MINDY2: variants seen among roughly 807,000 people sequenced by gnomAD.
MINDY2 encodes the protein MINDY lysine 48 deubiquitinase 2.
In MINDY2, 52 loss-of-function variants were observed where a neutral mutation model predicts 68.2. The observed-to-expected ratio is 0.76, with a 90% CI of 0.61 to 0.96. MINDY2 has a LOEUF of 0.96. Ranked by LOEUF, MINDY2 falls within the 40% of genes least tolerant of loss-of-function variation. MINDY2 has a pLI of 0.00. For synonymous variants in MINDY2, 372 were observed against 303.0 expected, an observed-to-expected ratio of 1.23 and a Z score of -2.36; for missense variants, 881 against 773.4, an observed-to-expected ratio of 1.14 and a Z score of -1.65.
chr15:58,851,887 G>A lies in MINDY2; in HGVS notation c.1659G>A (p.Glu553=). Residue 553 remains glutamate (E), a synonymous_variant, in exon 8 of 9, where the codon GAG becomes GAA. Coordinates refer to ENST00000559228, the MANE Select transcript of MINDY2 (RefSeq NM_001040450.3). ...TAGCAAAGAAACTCCAAGAGGAAGA[G>A]GACAGACGGGCTTCTCAATACTATC... ...LELAKKLQEE[E]DRRASQYYQE... The A allele has an allele frequency of 6.2e-7, 1 of 1,613,320 alleles. No homozygotes were observed. The highest frequency in any genetic ancestry group is 1.1e-5 in the South Asian group (1 of 91,006).
chr15:58,860,595 AAGTC>A lies in MINDY2; in HGVS notation c.*5987_*5990del, dbSNP rs1428295026. 4.6e-5 allele frequency: 7 copies of A among 151,816 alleles called. No homozygotes were observed. The highest frequency in any genetic ancestry group is 1.7e-4 in the African/African-American group (7 of 41,490). 9.4% of individuals were successfully genotyped at this position (151,816 alleles called of 1,614,324 possible). On this transcript the variant is annotated 3_prime_UTR_variant, in exon 9 of 9. Transcript: ENST00000559228. ...ATATCTCAAAAAAAAAAAAAAAAAA[AAGTC>A]AAGAAACTGAAATTCCCATTTAAGT... is the stretch of plus-strand genomic sequence containing the variant.
chr15:58,776,167 A>G (rs1454299548), intron 1 of MINDY2, among the ~76,000 whole-genome samples: 4 of 152,212 alleles, frequency 2.6e-5, no homozygotes, highest in Non-Finnish European at 5.9e-5. Flanking sequence ...TAGAGTAAAT[A>G]TGGTAGTACT....
At chr15:58,798,963 GAC>G (rs1429600436) in intron 2 of MINDY2, among the ~76,000 whole-genome samples, 1 of 152,162 alleles carries the variant, frequency 6.6e-6, no homozygotes, top group Non-Finnish European at 1.5e-5. Flanking sequence ...CAGAACATAG[GAC>G]AGATAATTTT....
At chr15:58,796,252 A>G (rs1288115482) in intron 2 of MINDY2, 4 of 400,150 alleles carry the variant, frequency 1.0e-5, no homozygotes, top group African/African-American at 4.1e-5. Flanking sequence ...GTTGTAAAGA[A>G]TAGGAAAGGT....
At chr15:58,851,631 G>T in intron 7 of MINDY2, 140 bp from the exon 8 acceptor site, 1 of 623,964 alleles carries the variant, frequency 1.6e-6, no homozygotes. Flanking sequence ...TGTAGAGACA[G>T]GGTCTTGCTA....
intron 7 of MINDY2, 87 bp downstream of exon 7, chr15:58,847,557 G>T (rs776484790): frequency 3.6e-5 from 41 of 1,133,278 alleles, no homozygotes; most frequent in Non-Finnish European, 4.4e-5. Flanking sequence ...TTCAACTAAA[G>T]ATTAATTCAT....
intron 5 of MINDY2, among the ~76,000 whole-genome samples, chr15:58,828,948 A>G (rs1309646580): frequency 3.9e-5 from 6 of 152,166 alleles, no homozygotes; most frequent in Admixed American, 1.3e-4. Context: ...ATAATACTCT[A>G]TTATCATTAA....
At position 58,821,709 on chromosome 15, in the gene MINDY2, T is replaced by C. The variant is rs1157317143; in HGVS notation, c.1123-8T>C. 6.5e-6 allele frequency: 10 copies of C among 1,535,262 alleles called. No homozygotes were observed. In the African/African-American group the frequency reaches 1.1e-4, roughly 17 times the overall value. ...CCATGATTAGTGAGACAGTCATTTG[T>C]TTTCTAGATTGATGACATTGTAAAA... On this transcript the variant is annotated splice_region_variant and splice_polypyrimidine_tract_variant and intron_variant, in intron 4 of 8. Coordinates refer to ENST00000559228, the MANE Select transcript of MINDY2 (RefSeq NM_001040450.3).
chr15:58,857,499 A>T lies in MINDY2; in HGVS notation c.*2889A>T, dbSNP rs539624595. On this transcript the variant is annotated 3_prime_UTR_variant, in exon 9 of 9. Transcript: ENST00000559228. ...CAGTGAGCTGAGATAGCACCACTGC[A>T]TGCAAGCCTGGGCAATAGAGCGAGA... The T allele has an allele frequency of 6.9e-6, 1 of 144,258 alleles. No individual in the cohort carries two copies. Among genetic ancestry groups the T allele is most frequent in the Admixed American group, 7.4e-5 (1 of 13,600 alleles). The allele number at this position is 144,258 out of a possible 1,614,324, so 8.9% of individuals were successfully genotyped here.
At position 58,843,055 on chromosome 15, in the gene MINDY2, T is replaced by C. The variant is rs114411510; in HGVS notation, c.1369-4242T>C. Among the ~76,000 whole-genome samples, 529 of 152,356 alleles carry C rather than the reference T, an allele frequency of 3.5e-3. 3 individuals are homozygous for C. Among genetic ancestry groups the C allele is most frequent in the African/African-American group, 0.011 (456 of 41,578 alleles). ...TACTTTAGAAACTCTCTTAGAAATG[T>C]ATAAATTTTCAAATTATAAAGTACC... On this transcript the variant is annotated intron_variant, in intron 6 of 8. Transcript: ENST00000559228.
intron 3 of MINDY2, among the ~76,000 whole-genome samples, chr15:58,807,198 T>G (rs1168781734): frequency 6.6e-6 from 1 of 152,106 alleles, no homozygotes; most frequent in Non-Finnish European, 1.5e-5. Flanking sequence ...TTTTGTGTCT[T>G]TAGTATCTTG....
chr15:58,771,580 G>C lies in MINDY2; in HGVS notation c.185G>C (p.Ser62Thr). ...CTGGGGGCGGCGGCCGCCAGGAGGA[G>C]CCTCCCGGACTCGGCTTCTCCCGCG... ...NGLGAAAARR[S>T]LPDSASPAGS... Residue 62 changes from serine (S) to threonine (T), a missense_variant, in exon 1 of 9, where the codon AGC becomes ACC. Coordinates refer to ENST00000559228, the MANE Select transcript of MINDY2 (RefSeq NM_001040450.3). The C allele has an allele frequency of 6.2e-7, 1 of 1,611,628 alleles. No homozygotes were observed.
intron 7 of MINDY2, among the ~76,000 whole-genome samples, chr15:58,849,461 C>CGT (rs2032707674): frequency 2.6e-5 from 4 of 151,822 alleles, no homozygotes; most frequent in African/African-American, 7.2e-5. Flanking sequence ...GCCAAGATGA[C>CGT]GCCACTGCAC....
chr15:58,812,173 C>T (rs1056821957), intron 4 of MINDY2, among the ~76,000 whole-genome samples: 1 of 152,176 alleles, frequency 6.6e-6, no homozygotes, highest in African/African-American at 2.4e-5. Flanking sequence ...CGCAGTGGCT[C>T]ACGCCTGTAA....
At chr15:58,812,551 A>G (rs115943181) in intron 4 of MINDY2, among the ~76,000 whole-genome samples, 5 of 151,896 alleles carry the variant, frequency 3.3e-5, no homozygotes, top group African/African-American at 1.2e-4. Flanking sequence ...AAACCAGGAA[A>G]TTGACATTAG....
chr15:58,815,574 C>G (rs1457974899), intron 4 of MINDY2: 1 of 152,416 alleles, frequency 6.6e-6, no homozygotes, highest in Admixed American at 6.5e-5. Flanking sequence ...GTCTGAAACT[C>G]CTAGCCTCAA....
chr15:58,816,215 C>T (rs1319493213), intron 4 of MINDY2, among the ~76,000 whole-genome samples: 1 of 151,954 alleles, frequency 6.6e-6, no homozygotes, highest in East Asian at 1.9e-4. Context: ...TGCTGGGATT[C>T]AGGAGAATGG....
At chr15:58,786,374 A>G (rs1215302710) in intron 1 of MINDY2, among the ~76,000 whole-genome samples, 1 of 152,192 alleles carries the variant, frequency 6.6e-6, no homozygotes, top group East Asian at 1.9e-4. Context: ...TCCATCCTAC[A>G]GTATTTATTT....
chr15:58,845,787 G>A (rs1859548673), intron 6 of MINDY2, among the ~76,000 whole-genome samples: 1 of 152,164 alleles, frequency 6.6e-6, no homozygotes, highest in Admixed American at 6.6e-5. Context: ...CCAAGATGTG[G>A]AATCAAGCTG....
Sources: gnomAD v4.1 joint callset for allele counts (sites outside exome capture counted in the v4.1 genomes callset) on GRCh38, gnomAD v4.1.1 for gene constraint, MANE v1.5 for transcripts, NCBI Gene and HGNC (gene_info 2026-07-23, HGNC 2026-07-21) for gene names.